The following ASIC2 variants were observed in gnomAD, a reference collection of about 807,000 sequenced individuals.
ASIC2 encodes acid sensing ion channel subunit 2, also known as acid-sensing ion channel 2.
A neutral mutation model predicts 57.3 loss-of-function variants in ASIC2; 25 were observed. That is an observed-to-expected ratio of 0.44 (90% confidence interval 0.32 to 0.61). The LOEUF is 0.61. Ranked by LOEUF, ASIC2 falls within the 20% of genes least tolerant of loss-of-function variation. The pLI, the probability that ASIC2 is intolerant of heterozygous loss-of-function variation, is 0.06. For missense variants in ASIC2, 641 were observed against 738.1 expected, an observed-to-expected ratio of 0.87 and a Z score of 1.52; for synonymous variants, 319 against 307.5, an observed-to-expected ratio of 1.04 and a Z score of -0.39.
intron 1 of ASIC2, among the ~76,000 whole-genome samples, chr17:34,080,395 A>T (rs562206430): frequency 1.3e-5 from 2 of 152,276 alleles, no homozygotes; most frequent in Non-Finnish European, 2.9e-5. Context: ...ACTCAAAAAC[A>T]TCCTTACCAC....
intron 1 of ASIC2, among the ~76,000 whole-genome samples, chr17:33,153,609 T>C (rs1159186614): frequency 6.6e-6 from 1 of 152,218 alleles, no homozygotes; most frequent in African/African-American, 2.4e-5. Context: ...GGGTTTATGC[T>C]TTCACAATTT....
chr17:33,950,675 G>C (rs935569951), intron 1 of ASIC2, among the ~76,000 whole-genome samples: 6 of 152,172 alleles, frequency 3.9e-5, no homozygotes, highest in African/African-American at 1.2e-4. Flanking sequence ...GAGAGGGGAA[G>C]GGACCAATGA....
In ASIC2 at chr17:33,308,007, G is replaced by A. The variant is rs16968238; in HGVS notation, c.556-195940C>T. 7.0e-3 allele frequency among the ~76,000 whole-genome samples: 1,065 copies of A among 152,270 alleles called. 13 individuals carry two copies. Among genetic ancestry groups the A allele is most frequent in the African/African-American group, 0.024 (1,000 of 41,540 alleles). The stretch of plus-strand genomic sequence containing the variant: ...TTTCTTATTCATCTCAGTGCCATAG[G>A]TTCTGCTGTGCTAGGATGTCTTTTC... On this transcript the variant is annotated intron_variant, in intron 1 of 9. Transcript: ENST00000359872.
intron 1 of ASIC2, among the ~76,000 whole-genome samples, chr17:33,303,128 AG>A (rs1906025292): frequency 6.6e-6 from 1 of 152,252 alleles, no homozygotes; most frequent in East Asian, 1.9e-4. Flanking sequence ...CCCAGGTGGC[AG>A]AGCCAGGATT....
At chr17:33,737,228 C>A (rs1909942265) in intron 1 of ASIC2, among the ~76,000 whole-genome samples, 1 of 152,236 alleles carries the variant, frequency 6.6e-6, no homozygotes, top group Non-Finnish European at 1.5e-5. Context: ...GATTGCTGAT[C>A]AAAAAATAGA....
At chr17:33,030,964 A>C (rs1186507014) in intron 3 of ASIC2, among the ~76,000 whole-genome samples, 2 of 152,018 alleles carry the variant, frequency 1.3e-5, no homozygotes, top group Non-Finnish European at 2.9e-5. Flanking sequence ...TATTGTATTT[A>C]ATTTACTTTT....
intron 1 of ASIC2, among the ~76,000 whole-genome samples, chr17:33,703,122 G>T (rs182531433): frequency 3.4e-4 from 52 of 152,286 alleles, no homozygotes; most frequent in African/African-American, 1.2e-3. Flanking sequence ...AGGCAGATGG[G>T]ATAGCAAGTG....
At chr17:33,754,209 A>T (rs1182262888) in intron 1 of ASIC2, among the ~76,000 whole-genome samples, 1 of 151,744 alleles carries the variant, frequency 6.6e-6, no homozygotes, top group South Asian at 2.1e-4. Context: ...TTGAGAATCA[A>T]CTCTTCTCAG....
intron 1 of ASIC2, among the ~76,000 whole-genome samples, chr17:33,623,698 C>G (rs1905885120): frequency 6.6e-6 from 1 of 152,182 alleles, no homozygotes; most frequent in Non-Finnish European, 1.5e-5. Flanking sequence ...GTCCATTTCT[C>G]TATCTGCCTT....
chr17:33,870,045 G>A (rs1326473052), intron 1 of ASIC2, among the ~76,000 whole-genome samples: 1 of 152,056 alleles, frequency 6.6e-6, no homozygotes, highest in East Asian at 1.9e-4. Flanking sequence ...CAGAAAAAAT[G>A]AAATGCATCT....
chr17:33,906,259 A>G (rs1915346388), intron 1 of ASIC2, among the ~76,000 whole-genome samples: 2 of 152,138 alleles, frequency 1.3e-5, no homozygotes, highest in South Asian at 4.1e-4. Context: ...CCCTTCTTGC[A>G]AGCAGGCTTG....
chr17:33,938,892 T>C (rs1424397842), intron 1 of ASIC2, among the ~76,000 whole-genome samples: 2 of 152,230 alleles, frequency 1.3e-5, no homozygotes, highest in Non-Finnish European at 2.9e-5. Flanking sequence ...GGACCATCCC[T>C]GCTGGAAAGT....
In ASIC2 at chr17:33,108,494, A is replaced by G. The variant is rs529091428; in HGVS notation, c.859+3423T>C. Among the ~76,000 whole-genome samples, 171 of 152,288 alleles carry G rather than the reference A, an allele frequency of 1.1e-3. 1 individual carries two copies. Among genetic ancestry groups the G allele is most frequent in the South Asian group, 3.9e-3 (19 of 4,826 alleles). On this transcript the variant is annotated intron_variant, in intron 2 of 9. Transcript: ENST00000225823. ...GCTGTGTCCATCATCCTCGGGATCA[A>G]TGACCAAGCAGCCACGTGTGTCTGC...
intron 1 of ASIC2, among the ~76,000 whole-genome samples, chr17:33,685,934 C>T (rs1489967842): frequency 6.6e-6 from 1 of 152,196 alleles, no homozygotes; most frequent in East Asian, 1.9e-4. Context: ...CTGCTGCTCT[C>T]AGTCACGGGG....
intron 1 of ASIC2, among the ~76,000 whole-genome samples, chr17:33,210,137 G>A (rs188407393): frequency 3.9e-5 from 6 of 152,202 alleles, no homozygotes; most frequent in East Asian, 1.9e-4. Context: ...TCCCCACGTC[G>A]CCCATGTTTC....
At chr17:33,651,207 G>A in intron 1 of ASIC2, among the ~76,000 whole-genome samples, 1 of 152,104 alleles carries the variant, frequency 6.6e-6, no homozygotes, top group East Asian at 1.9e-4. Flanking sequence ...AATTGTATTG[G>A]TCTGGTTAAG....
intron 1 of ASIC2, among the ~76,000 whole-genome samples, chr17:34,155,136 C>T (rs1406411946): frequency 1.3e-5 from 2 of 152,074 alleles, no homozygotes; most frequent in Non-Finnish European, 2.9e-5. Context: ...CACCCCTCCT[C>T]CTGCATCCAC....
intron 1 of ASIC2, among the ~76,000 whole-genome samples, chr17:33,767,396 A>G (rs1204448652): frequency 6.6e-6 from 1 of 152,260 alleles, no homozygotes; most frequent in Non-Finnish European, 1.5e-5. Context: ...CAGATTTCAT[A>G]TAAATGTGTT....
intron 1 of ASIC2, among the ~76,000 whole-genome samples, chr17:33,387,884 A>C (rs1016492224): frequency 6.6e-6 from 1 of 152,194 alleles, no homozygotes. Flanking sequence ...ATTTGATACC[A>C]GCCTGGCCAA....
Sources: gnomAD v4.1 joint callset for allele counts (sites outside exome capture counted in the v4.1 genomes callset) on GRCh38, gnomAD v4.1.1 for gene constraint, MANE v1.5 for transcripts, NCBI Gene and HGNC (gene_info 2026-07-23, HGNC 2026-07-21) for gene names.